The following TENM1 variants were observed in gnomAD, a reference collection of about 807,000 sequenced individuals.
The protein encoded by TENM1 is teneurin transmembrane protein 1, also known as teneurin-1.
In TENM1, 35 loss-of-function variants were observed where a neutral mutation model predicts 174.8. The ratio of observed to expected loss-of-function variants is 0.20; its 90% CI spans 0.15 to 0.27. The LOEUF (loss-of-function observed/expected upper bound fraction) is 0.27. Among genes scored for constraint, TENM1 ranks in the 10% least tolerant of loss-of-function variants. TENM1 has a pLI of 1.00. For missense variants in TENM1, 1,633 were observed against 2,130.1 expected (o/e 0.77, Z 4.59); for synonymous variants, 781 against 798.7 (o/e 0.98, Z 0.37).
exon 24 of TENM1, chrX:124,422,284 C>T (rs1342884982): frequency 3.3e-6 from 4 of 1,207,916 alleles, no homozygotes; most frequent in Non-Finnish European, 4.5e-6. Flanking sequence ...GAAAAACAGT[C>T]ACAGTTTGGA....
At chrX:125,196,682 T>C in the TENM1 span, among the ~76,000 whole-genome samples, 2 of 111,910 alleles carry the variant, frequency 1.8e-5, no homozygotes, top group African/African-American at 3.2e-5. Context: ...ATAGTGTATT[T>C]ATACACCTCT....
chrX:124,950,803 G>A (rs779780348), intron 1 of TENM1, among the ~76,000 whole-genome samples: 3 of 111,639 alleles, frequency 2.7e-5, no homozygotes, highest in Admixed American at 9.6e-5. Context: ...CTTTGGTTCC[G>A]AACCTGAGTA....
chrX:124,971,210 C>T, the TENM1 span, among the ~76,000 whole-genome samples: 2 of 109,058 alleles, frequency 1.8e-5, no homozygotes, highest in Non-Finnish European at 3.8e-5. Context: ...GGGTGCAGCA[C>T]ACCAACATGG....
chrX:124,818,223 G>A (rs1374487859), intron 3 of TENM1, among the ~76,000 whole-genome samples: 1 of 111,515 alleles, frequency 9.0e-6, no homozygotes, highest in East Asian at 2.8e-4. Flanking sequence ...CATGTAAAGA[G>A]CTTAGAGCAC....
chrX:125,092,580 A>T, the TENM1 span, among the ~76,000 whole-genome samples: 1 of 111,934 alleles, frequency 8.9e-6, no homozygotes, highest in Non-Finnish European at 1.9e-5. Flanking sequence ...TAGAAAAAAC[A>T]ATTTGGGGAT....
chrX:124,442,850 C>T (rs1174021706), intron 23 of TENM1, among the ~76,000 whole-genome samples: 2 of 109,796 alleles, frequency 1.8e-5, no homozygotes, highest in East Asian at 5.8e-4. Flanking sequence ...TTTGTAGAGA[C>T]GGGGGTTTCG....
chrX:124,841,239 CA>C (rs1370090503), intron 3 of TENM1, among the ~76,000 whole-genome samples: 1 of 111,843 alleles, frequency 8.9e-6, no homozygotes, highest in Non-Finnish European at 1.9e-5. Context: ...CTTTCTCCTT[CA>C]GTGGAAAACA....
At chrX:125,144,777 G>A in the TENM1 span, among the ~76,000 whole-genome samples, 1 of 106,133 alleles carries the variant, frequency 9.4e-6, no homozygotes, top group Non-Finnish European at 1.9e-5. Flanking sequence ...TCACACTGTC[G>A]CCCAGGCTGG....
At chrX:124,465,181 T>C (rs2061227979) in intron 22 of TENM1, among the ~76,000 whole-genome samples, 1 of 112,475 alleles carries the variant, frequency 8.9e-6, no homozygotes, top group Admixed American at 9.4e-5. Flanking sequence ...CCATATAAAA[T>C]AACTTCTATG....
chrX:124,500,125 G>C lies in TENM1; in HGVS notation c.3446-2860C>G, dbSNP rs143749536. The stretch of plus-strand genomic sequence containing the variant: ...AGCCCAACACTCCATCAAAGAAGAA[G>C]AATGATTAAAGGAAATAAAACATAA... On this transcript the variant is annotated intron_variant, in intron 19 of 31. Transcript: ENST00000422452. Among the ~76,000 whole-genome samples the C allele has an allele frequency of 7.9e-3, 884 of 111,479 alleles. 9 individuals carry two copies. Among genetic ancestry groups the C allele is most frequent in the African/African-American group, 0.027 (836 of 30,768 alleles).
intron 15 of TENM1, among the ~76,000 whole-genome samples, chrX:124,543,886 CAAG>C (rs753597102): frequency 8.9e-6 from 1 of 112,473 alleles, no homozygotes; most frequent in African/African-American, 3.2e-5. Flanking sequence ...TAACTCAAAA[CAAG>C]AAGGTCTGGT....
At position 124,838,648 on chromosome X, in the gene TENM1, G is replaced by A. The variant is rs138922745; in HGVS notation, c.535+55648C>T. ...AAAGATACTCAATCCCACCTGTTAC[G>A]CAAGGCAGTACAAATTAAAACCACC... On this transcript the variant is annotated intron_variant, in intron 3 of 31. Coordinates refer to ENST00000422452, the Ensembl canonical transcript of TENM1. 7.2e-3 allele frequency among the ~76,000 whole-genome samples: 795 copies of A among 110,901 alleles called. 4 individuals carry two copies. The highest frequency in any genetic ancestry group is 0.024 in the African/African-American group (731 of 30,518).
At chrX:124,545,215 T>C (rs1332967083) in intron 15 of TENM1, among the ~76,000 whole-genome samples, 2 of 107,173 alleles carry the variant, frequency 1.9e-5, no homozygotes, top group African/African-American at 6.7e-5. Flanking sequence ...AAATGATAAC[T>C]TGGAGCATTT....
chrX:125,189,055 A>G, the TENM1 span, among the ~76,000 whole-genome samples: 3 of 112,520 alleles, frequency 2.7e-5, no homozygotes, highest in Non-Finnish European at 5.6e-5. Flanking sequence ...GCTTTAAAAA[A>G]TAAACTGCCC....
chrX:124,615,867 T>A (rs2050386675), intron 11 of TENM1, among the ~76,000 whole-genome samples: 1 of 112,321 alleles, frequency 8.9e-6, no homozygotes, highest in South Asian at 3.7e-4. Flanking sequence ...TCAATCAAGT[T>A]GGTATTATTA....
chrX:124,674,828 T>C (rs1190714085), intron 5 of TENM1, among the ~76,000 whole-genome samples: 1 of 111,446 alleles, frequency 9.0e-6, no homozygotes, highest in Non-Finnish European at 1.9e-5. Flanking sequence ...GGAGCTATAT[T>C]GAAAATGTGT....
intron 23 of TENM1, among the ~76,000 whole-genome samples, chrX:124,449,688 A>G (rs1042706466): frequency 8.9e-6 from 1 of 111,931 alleles, no homozygotes; most frequent in Non-Finnish European, 1.9e-5. Context: ...TGAATCATGG[A>G]AAGTTAGACT....
At chrX:124,552,831 A>G (rs763031547) in intron 14 of TENM1, among the ~76,000 whole-genome samples, 1 of 111,697 alleles carries the variant, frequency 9.0e-6, no homozygotes, top group African/African-American at 3.3e-5. Flanking sequence ...TCTCCCTGGT[A>G]TCAACATGGC....
At chrX:124,558,246 A>T (rs891079590) in intron 14 of TENM1, among the ~76,000 whole-genome samples, 1 of 111,706 alleles carries the variant, frequency 9.0e-6, no homozygotes, top group African/African-American at 3.3e-5. Context: ...ATCAGAGGGT[A>T]ACTAAAGTCA....
Sources: allele counts gnomAD v4.1 joint callset (sites outside exome capture counted in the v4.1 genomes callset), GRCh38; gene constraint gnomAD v4.1.1; transcripts MANE v1.5; gene names NCBI Gene and HGNC (gene_info 2026-07-23, HGNC 2026-07-21).